CPHXL2: variants seen among roughly 807,000 people sequenced by gnomAD.
CPHXL2 encodes cytoplasmic polyadenylated homeobox-like protein 2.
the CPHXL2 span, among the ~76,000 whole-genome samples, chr16:75,665,352 T>C: frequency 6.6e-6 from 1 of 152,116 alleles, no homozygotes; most frequent in African/African-American, 2.4e-5. Flanking sequence ...AACAAAACAA[T>C]TATCAGCCAA....
chr16:75,676,080 C>CAAAAA, the CPHXL2 span, among the ~76,000 whole-genome samples: 44 of 144,058 alleles, frequency 3.1e-4, no homozygotes, highest in Non-Finnish European at 1.5e-5. Flanking sequence ...ACTCCGTCTC[C>CAAAAA]AAAAAAAAAA....
At chr16:75,663,794 G>T in the CPHXL2 span, among the ~76,000 whole-genome samples, 2 of 150,354 alleles carry the variant, frequency 1.3e-5, no homozygotes, top group Non-Finnish European at 2.9e-5. Context: ...GCTGAGGCAG[G>T]AGAATGGCAT....
chr16:75,672,805 G>A, the CPHXL2 span, among the ~76,000 whole-genome samples: 1 of 152,292 alleles, frequency 6.6e-6, no homozygotes, highest in East Asian at 1.9e-4. Context: ...AGCACTTTGG[G>A]AGGCTGATGT....
chr16:75,673,058 G>T, the CPHXL2 span, among the ~76,000 whole-genome samples: 2 of 125,940 alleles, frequency 1.6e-5, no homozygotes, highest in East Asian at 4.7e-4. Context: ...TGGGGATGAC[G>T]GAGTAAGACC....
chr16:75,665,926 A>T, the CPHXL2 span, among the ~76,000 whole-genome samples: 2 of 152,226 alleles, frequency 1.3e-5, no homozygotes, highest in Non-Finnish European at 2.9e-5. Flanking sequence ...ATAGTACCTC[A>T]CATCTCAATA....
the CPHXL2 span, chr16:75,661,209 TC>T: frequency 4.0e-5 from 16 of 400,840 alleles, no homozygotes; most frequent in Admixed American, 4.8e-4. Context: ...TCTTTGTCTT[TC>T]TTCCGGTGGA....
the CPHXL2 span, among the ~76,000 whole-genome samples, chr16:75,668,441 C>A: frequency 2.0e-5 from 3 of 152,046 alleles, no homozygotes; most frequent in Admixed American, 6.6e-5. Context: ...GTTGGTCAGG[C>A]TGGTCTCAAA....
the CPHXL2 span, chr16:75,660,548 C>T: frequency 1.5e-3 from 608 of 398,652 alleles, 3 homozygotes; most frequent in African/African-American, 0.011. Context: ...GTTCCTGCAA[C>T]ATCATCCCCT....
chr16:75,663,577 C>CGT, the CPHXL2 span, among the ~76,000 whole-genome samples: 9 of 152,198 alleles, frequency 5.9e-5, no homozygotes, highest in South Asian at 1.2e-3. Context: ...ACAGTCTCCT[C>CGT]AAGTATGATA....
chr16:75,665,569 AC>A, the CPHXL2 span, among the ~76,000 whole-genome samples: 1 of 152,224 alleles, frequency 6.6e-6, no homozygotes, highest in African/African-American at 2.4e-5. Context: ...CAACAAAAAA[AC>A]ACCAAGGTAT....
chr16:75,661,348 T>G, the CPHXL2 span: 1 of 397,994 alleles, frequency 2.5e-6, no homozygotes, highest in Non-Finnish European at 4.4e-6. Flanking sequence ...TTTAAGCCTT[T>G]TAAAAGCAGA....
At chr16:75,662,022 G>A in the CPHXL2 span, among the ~76,000 whole-genome samples, 5 of 152,326 alleles carry the variant, frequency 3.3e-5, no homozygotes, top group South Asian at 6.2e-4. Flanking sequence ...AGTCCTGCAA[G>A]ACTGCCCCTC....
the CPHXL2 span, among the ~76,000 whole-genome samples, chr16:75,665,053 T>C: frequency 1.3e-5 from 2 of 152,332 alleles, no homozygotes; most frequent in South Asian, 2.1e-4. Flanking sequence ...TCAGAGATTA[T>C]AGAGCCAGTG....
chr16:75,671,466 A>G, the CPHXL2 span, among the ~76,000 whole-genome samples: 1 of 152,150 alleles, frequency 6.6e-6, no homozygotes, highest in Non-Finnish European at 1.5e-5. Context: ...TCGTGACTCA[A>G]AATTACCAAA....
the CPHXL2 span, chr16:75,660,427 G>T: frequency 5.0e-6 from 2 of 398,558 alleles, no homozygotes; most frequent in Non-Finnish European, 8.8e-6. Context: ...ACGTGCTGCA[G>T]TTGAGAGCAC....
the CPHXL2 span, chr16:75,660,734 A>G: frequency 5.0e-6 from 2 of 398,696 alleles, no homozygotes; most frequent in Non-Finnish European, 8.8e-6. Flanking sequence ...CCCTGGTTTC[A>G]GTCCTTTCTC....
the CPHXL2 span, among the ~76,000 whole-genome samples, chr16:75,668,683 C>G: frequency 6.6e-6 from 1 of 152,184 alleles, no homozygotes; most frequent in Non-Finnish European, 1.5e-5. Flanking sequence ...CTCTAGATTA[C>G]TTACAAGACC....
chr16:75,669,884 G>A, the CPHXL2 span, among the ~76,000 whole-genome samples: 2 of 152,174 alleles, frequency 1.3e-5, no homozygotes, highest in Non-Finnish European at 2.9e-5. Flanking sequence ...TGTGTCCAGG[G>A]TCCACACAGC....
At chr16:75,662,527 C>T in the CPHXL2 span, among the ~76,000 whole-genome samples, 3 of 151,896 alleles carry the variant, frequency 2.0e-5, no homozygotes, top group Non-Finnish European at 4.4e-5. Context: ...GGTCTACTAC[C>T]ATCAGTCAAC....
Sources: allele counts gnomAD v4.1 joint callset (sites outside exome capture counted in the v4.1 genomes callset), GRCh38; gene constraint gnomAD v4.1.1; transcripts MANE v1.5; gene names NCBI Gene and HGNC (gene_info 2026-07-23, HGNC 2026-07-21).